Variants in SDK1 observed in about 807,000 individuals in gnomAD.
SDK1 encodes protein sidekick-1.
A neutral mutation model predicts 245.5 loss-of-function variants in SDK1; 157 were observed. The ratio of observed to expected loss-of-function variants is 0.64; its 90% confidence interval spans 0.56 to 0.73. The LOEUF is 0.73. Among genes scored for constraint, SDK1 ranks in the 30% least tolerant of loss-of-function variants. The pLI, the probability that SDK1 is intolerant of heterozygous loss-of-function variation, is 0.00. For synonymous variants in SDK1, 1,647 were observed against 1,278.5 expected (o/e 1.29, Z -6.15); for missense variants, 3,583 against 3,002.3 (o/e 1.19, Z -4.52).
chr7:3,939,871 T>G (rs1780291439), intron 5 of SDK1, among the ~76,000 whole-genome samples: 2 of 152,176 alleles, frequency 1.3e-5, no homozygotes, highest in Admixed American at 1.3e-4. Context: ...AAGGTGACAG[T>G]CTTCACGTAG....
intron 5 of SDK1, among the ~76,000 whole-genome samples, chr7:3,895,232 T>C (rs1360769525): frequency 2.0e-5 from 3 of 152,218 alleles, no homozygotes; most frequent in Admixed American, 6.5e-5. Context: ...ATCATTCTTA[T>C]ATTTATTTAT....
chr7:3,888,279 A>G (rs1562514468), intron 5 of SDK1, among the ~76,000 whole-genome samples: 1 of 152,312 alleles, frequency 6.6e-6, no homozygotes, highest in African/African-American at 2.4e-5. Flanking sequence ...ACGAGTCATC[A>G]CTTAACTTGA....
At chr7:4,098,794 G>A (rs1323854252) in intron 22 of SDK1, among the ~76,000 whole-genome samples, 9 of 148,596 alleles carry the variant, frequency 6.1e-5, no homozygotes. Flanking sequence ...CTCCCGAGTA[G>A]CTGGGATTAC....
intron 17 of SDK1, among the ~76,000 whole-genome samples, chr7:4,041,031 T>A (rs1583913901): frequency 6.6e-6 from 1 of 152,350 alleles, no homozygotes; most frequent in South Asian, 2.1e-4. Flanking sequence ...CCAAAGACTC[T>A]CTTACCCTCA....
chr7:4,196,406 C>T (rs568349492), intron 35 of SDK1, among the ~76,000 whole-genome samples: 1 of 152,378 alleles, frequency 6.6e-6, no homozygotes, highest in African/African-American at 2.4e-5. Flanking sequence ...TCACTCTCTG[C>T]TTTCAAACCT....
intron 13 of SDK1, among the ~76,000 whole-genome samples, chr7:3,975,875 G>T (rs774581161): frequency 5.3e-5 from 8 of 152,230 alleles, no homozygotes; most frequent in Admixed American, 2.0e-4. Context: ...GTGGTGCGGG[G>T]GTCCTGGTGC....
intron 1 of SDK1, among the ~76,000 whole-genome samples, chr7:3,368,834 C>T (rs1315779725): frequency 6.6e-6 from 1 of 152,118 alleles, no homozygotes; most frequent in African/African-American, 2.4e-5. Context: ...GAAGAGTTAG[C>T]TATTACACAT....
At chr7:3,628,687 T>A (rs1337101734) in intron 2 of SDK1, among the ~76,000 whole-genome samples, 10 of 152,190 alleles carry the variant, frequency 6.6e-5, no homozygotes. Flanking sequence ...ACTGGCAACC[T>A]GGGTCAAGAT....
chr7:4,194,751 G>A lies in SDK1; in HGVS notation c.5099-11128G>A, dbSNP rs142186683. ...GATGGTGCACACCACATTAAGGGTG[G>A]GTCTGCTTTTCCCAGCCCACTGAGT... On this transcript the variant is annotated intron_variant, in intron 35 of 44. Coordinates refer to ENST00000404826, the MANE Select transcript of SDK1 (RefSeq NM_152744.4). 1.2e-3 allele frequency among the ~76,000 whole-genome samples: 183 copies of A among 152,084 alleles called. 1 individual carries two copies. The highest frequency in any genetic ancestry group is 3.8e-3 in the African/African-American group (156 of 41,480).
At chr7:3,918,181 C>G (rs1364853690) in intron 5 of SDK1, among the ~76,000 whole-genome samples, 2 of 152,168 alleles carry the variant, frequency 1.3e-5, no homozygotes, top group Non-Finnish European at 2.9e-5. Context: ...TGTCTTCCCT[C>G]TCAACACCGC....
chr7:3,719,283 G>A, intron 4 of SDK1, among the ~76,000 whole-genome samples: 1 of 146,152 alleles, frequency 6.8e-6, no homozygotes. Flanking sequence ...ACTAGACCTA[G>A]ACAGTCTCAT....
intron 25 of SDK1, among the ~76,000 whole-genome samples, chr7:4,125,036 G>A (rs12154274): frequency 0.2 from 29,534 of 150,692 alleles, 3,888 homozygotes; most frequent in East Asian, 0.73. Flanking sequence ...ATGGATGAAT[G>A]AATAGATGGA....
chr7:3,933,215 A>G (rs1337409357), intron 5 of SDK1, among the ~76,000 whole-genome samples: 1 of 136,084 alleles, frequency 7.3e-6, no homozygotes, highest in African/African-American at 2.9e-5. Context: ...GGCTCAAGTG[A>G]TCCTCCTGTC....
At position 3,426,154 on chromosome 7, in the gene SDK1, G is replaced by GT. The variant is rs531636276; in HGVS notation, c.298+124276dup. Among the ~76,000 whole-genome samples the GT allele has an allele frequency of 9.6e-4, 146 of 152,296 alleles. 1 individual carries two copies. The highest frequency in any genetic ancestry group is 3.3e-3 in the African/African-American group (137 of 41,560). On this transcript the variant is annotated intron_variant, in intron 1 of 44. Coordinates refer to ENST00000404826, the MANE Select transcript of SDK1 (RefSeq NM_152744.4). ...TCAGGAGATAAGCAGTTGATTCCGTGTTTTTTGAAGAGAACTTTTATGATA... is the reference window on the plus strand; with the variant it reads ...TCAGGAGATAAGCAGTTGATTCCGTGTTTTTTTGAAGAGAACTTTTATGATA...
intron 5 of SDK1, among the ~76,000 whole-genome samples, chr7:3,875,538 G>A (rs371364261): frequency 6.6e-6 from 1 of 152,256 alleles, no homozygotes; most frequent in African/African-American, 2.4e-5. Flanking sequence ...GCTCTCTGCA[G>A]TGGGAAAGGG....
chr7:3,563,667 G>A (rs568782749), intron 1 of SDK1, among the ~76,000 whole-genome samples: 10 of 152,176 alleles, frequency 6.6e-5, no homozygotes, highest in Non-Finnish European at 1.3e-4. Context: ...GCAGGCAGAG[G>A]TGGAGAAAAC....
chr7:3,478,378 T>C (rs932998627), intron 1 of SDK1, among the ~76,000 whole-genome samples: 2 of 152,156 alleles, frequency 1.3e-5, no homozygotes, highest in African/African-American at 2.4e-5. Context: ...ATTAGTGCTC[T>C]TATAAATGAG....
intron 5 of SDK1, among the ~76,000 whole-genome samples, chr7:3,888,091 G>C (rs955357763): frequency 2.0e-5 from 3 of 152,142 alleles, no homozygotes; most frequent in African/African-American, 7.2e-5. Context: ...TAAAGAATTG[G>C]GTCAGCCTTA....
intron 19 of SDK1, among the ~76,000 whole-genome samples, chr7:4,059,617 C>A (rs914749532): frequency 6.6e-6 from 1 of 152,190 alleles, no homozygotes; most frequent in Non-Finnish European, 1.5e-5. Flanking sequence ...CAGAACATTT[C>A]ATCTAATAGC....
Sources: allele counts gnomAD v4.1 joint callset (sites outside exome capture counted in the v4.1 genomes callset), GRCh38; gene constraint gnomAD v4.1.1; transcripts MANE v1.5; gene names NCBI Gene and HGNC (gene_info 2026-07-23, HGNC 2026-07-21).